The following PTGIS variants were observed in gnomAD, a reference collection of about 807,000 sequenced individuals.
The protein encoded by PTGIS is prostacyclin synthase.
PTGIS carries 45 observed loss-of-function variants against 50.3 expected under a neutral mutation model. The ratio of observed to expected loss-of-function variants is 0.90; its 90% CI spans 0.70 to 1.15. The LOEUF (loss-of-function observed/expected upper bound fraction) is 1.15. PTGIS is among the 50% of genes most tolerant of loss of function. The pLI, the probability that PTGIS is intolerant of heterozygous loss-of-function variation, is 0.00. For missense variants in PTGIS, 668 were observed against 661.3 expected, an observed-to-expected ratio of 1.01 and a Z score of -0.11; for synonymous variants, 260 against 267.7, an observed-to-expected ratio of 0.97 and a Z score of 0.28.
chr20:49,524,506 T>A (rs962144251), intron 5 of PTGIS, among the ~76,000 whole-genome samples: 1 of 152,190 alleles, frequency 6.6e-6, no homozygotes, highest in Non-Finnish European at 1.5e-5. Context: ...TTCAATCACC[T>A]CTATGTCCCC....
chr20:49,512,494 T>C (rs2122839009), intron 8 of PTGIS, among the ~76,000 whole-genome samples: 1 of 152,208 alleles, frequency 6.6e-6, no homozygotes. Flanking sequence ...AATACATGAA[T>C]AGACAGATGC....
At chr20:49,536,474 C>CTT (rs1982073506) in intron 5 of PTGIS, among the ~76,000 whole-genome samples, 1 of 125,604 alleles carries the variant, frequency 8.0e-6, no homozygotes, top group Non-Finnish European at 1.6e-5. Context: ...TTCTTTCTTT[C>CTT]TTTCTTTTTT....
chr20:49,543,626 G>A (rs1050720882), intron 4 of PTGIS, among the ~76,000 whole-genome samples: 4 of 152,252 alleles, frequency 2.6e-5, no homozygotes, highest in African/African-American at 9.6e-5. Flanking sequence ...TGTTTCCCCT[G>A]CCTAGAGTGT....
chr20:49,515,576 C>T (rs554296562), intron 6 of PTGIS, among the ~76,000 whole-genome samples: 21 of 152,316 alleles, frequency 1.4e-4, no homozygotes, highest in African/African-American at 3.8e-4. Context: ...AATTTCATTA[C>T]AGACATAATT....
rs1981155839 is a variant in PTGIS, at chr20:49,506,512, G to C, written c.*1408C>G. ...GGTGCCTCAGCCTCCTGAATAGCTG[G>C]GATTACAGGCACGCACCGCCACACC... On this transcript the variant is annotated 3_prime_UTR_variant, in exon 10 of 10. Transcript: ENST00000244043. The C allele has an allele frequency of 6.6e-6, 1 of 152,138 alleles. No homozygotes were observed. The highest frequency in any genetic ancestry group is 2.1e-4 in the South Asian group (1 of 4,814). 9.4% of individuals were successfully genotyped at this position (152,138 alleles called of 1,614,324 possible).
intron 1 of PTGIS, among the ~76,000 whole-genome samples, chr20:49,558,833 C>T (rs970908692): frequency 2.0e-5 from 3 of 151,996 alleles, no homozygotes; most frequent in African/African-American, 7.3e-5. Context: ...CCTGCCTCAG[C>T]CTCCCAAGTA....
At position 49,507,928 on chromosome 20, in the gene PTGIS, G is replaced by C; in HGVS notation, c.1495C>G (p.Arg499Gly). Residue 499 changes from arginine (R) to glycine (G), a missense_variant, in exon 10 of 10, where the codon CGC becomes GGC. Physicochemically the swap from Arg to Gly is moderately radical, Grantham distance 125. Transcript: ENST00000244043. The stretch of plus-strand genomic sequence containing the variant: ...TCCATCTGCTCCCTGTGTCATGGGC[G>C]GATGCGGTAGCGGACGGGCACGTCG... ...EHDVPVRYRI[R>G]P The C allele has an allele frequency of 6.2e-7, 1 of 1,612,290 alleles. No individual in the cohort carries two copies. Among genetic ancestry groups the C allele is most frequent in the Non-Finnish European group, 8.5e-7 (1 of 1,180,022 alleles).
chr20:49,544,872 T>C (rs996178211), intron 3 of PTGIS, among the ~76,000 whole-genome samples: 6 of 152,182 alleles, frequency 3.9e-5, no homozygotes, highest in African/African-American at 1.4e-4. Flanking sequence ...ACCCATAGCG[T>C]TCTGGAAGAG....
At chr20:49,535,943 G>A (rs1345290443) in intron 5 of PTGIS, among the ~76,000 whole-genome samples, 2 of 152,188 alleles carry the variant, frequency 1.3e-5, no homozygotes, top group African/African-American at 4.8e-5. Flanking sequence ...TCTGCAAATA[G>A]GAATAGTTTT....
Position 49,508,079 on chromosome 20 carries a change from C to T in PTGIS, c.1359-15G>A. ...GGAACACAAATCTGCAGAGAGATGG[C>T]ATGGAAGGTGTGAAGGAGAGGAGTA... On this transcript the variant is annotated splice_polypyrimidine_tract_variant and intron_variant, in intron 9 of 9. Coordinates refer to ENST00000244043, the MANE Select transcript of PTGIS (RefSeq NM_000961.4). 1 of 1,613,384 alleles carries T rather than the reference C, an allele frequency of 6.2e-7. No homozygotes were observed. The highest frequency in any genetic ancestry group is 8.5e-7 in the Non-Finnish European group (1 of 1,180,010).
chr20:49,546,150 G>A (rs547562994), intron 3 of PTGIS, among the ~76,000 whole-genome samples: 50 of 152,264 alleles, frequency 3.3e-4, no homozygotes, highest in African/African-American at 1.0e-3. Flanking sequence ...CACTCCAAGC[G>A]CTGGTCCTCA....
chr20:49,522,217 C>G (rs1298841289), intron 6 of PTGIS, among the ~76,000 whole-genome samples: 1 of 152,072 alleles, frequency 6.6e-6, no homozygotes, highest in Non-Finnish European at 1.5e-5. Context: ...TGCTGTTTCC[C>G]TTATTTGGAA....
Position 49,539,626 on chromosome 20 carries a change from G to A in PTGIS, c.617C>T (p.Thr206Ile). The A allele has an allele frequency of 6.2e-7, 1 of 1,614,090 alleles. No homozygotes were observed. Among genetic ancestry groups the A allele is most frequent in the Non-Finnish European group, 8.5e-7 (1 of 1,180,026 alleles). Residue 206 changes from threonine (T) to isoleucine (I), a missense_variant, in exon 5 of 10, where the codon ACC becomes ATC. Thr to Ile is a moderately conservative substitution (Grantham distance 89). Transcript: ENST00000244043. ...GAGCAGCCGGTCGAGCTGGCGAAAG[G>A]TGTGGAAGACATCAGCTGAGTGGAC... ...DRVHSADVFH[T>I]FRQLDRLLPK...
chr20:49,559,384 C>T (rs1029686537), intron 1 of PTGIS, among the ~76,000 whole-genome samples: 4 of 152,160 alleles, frequency 2.6e-5, no homozygotes, highest in African/African-American at 7.2e-5. Context: ...GCCACTCTTT[C>T]GTTCCTTTAC....
chr20:49,525,403 C>T (rs1981768779), intron 5 of PTGIS, among the ~76,000 whole-genome samples: 1 of 152,182 alleles, frequency 6.6e-6, no homozygotes, highest in African/African-American at 2.4e-5. Flanking sequence ...CCACAGATCA[C>T]TAGCGTGCAT....
chr20:49,545,687 G>C (rs1982338021), intron 3 of PTGIS, among the ~76,000 whole-genome samples: 1 of 152,190 alleles, frequency 6.6e-6, no homozygotes, highest in South Asian at 2.1e-4. Context: ...TCTGCTCCTT[G>C]TGTAGGATCT....
chr20:49,541,291 A>G (rs762013131), intron 4 of PTGIS, among the ~76,000 whole-genome samples: 7 of 150,234 alleles, frequency 4.7e-5, no homozygotes, highest in Non-Finnish European at 8.9e-5. Flanking sequence ...CCACTGCGGT[A>G]CTCCCAAGGC....
In PTGIS at chr20:49,508,064, T is replaced by A. The variant is rs745481495; in HGVS notation, c.1359A>T (p.Gln453His). Residue 453 changes from glutamine to histidine, a missense_variant and splice_region_variant, in exon 10 of 10, where the codon CAA (glutamine) becomes CAT (histidine). By Grantham distance (24) the Gln-to-His change is conservative. Transcript: ENST00000244043. ...GRSYAVNSIK[Q>H]FVFLVLVHLD... ...AGTGCACCAGCACAAGGAACACAAA[T>A]CTGCAGAGAGATGGCATGGAAGGTG... 3 of 1,613,518 alleles carry A rather than the reference T, an allele frequency of 1.9e-6. No homozygotes were observed.
chr20:49,566,488 T>G (rs1432937045), intron 1 of PTGIS, among the ~76,000 whole-genome samples: 2 of 152,350 alleles, frequency 1.3e-5, no homozygotes, highest in East Asian at 3.9e-4. Flanking sequence ...CACTGTCTTT[T>G]TCTTTTCTTG....
Sources: gnomAD v4.1 joint callset for allele counts (sites outside exome capture counted in the v4.1 genomes callset) on GRCh38, gnomAD v4.1.1 for gene constraint, MANE v1.5 for transcripts, NCBI Gene and HGNC (gene_info 2026-07-23, HGNC 2026-07-21) for gene names.